The following FCHO1 variants were observed in gnomAD, a reference collection of about 807,000 sequenced individuals.
FCHO1 encodes the protein F-BAR domain only protein 1.
Under a neutral mutation model 114.4 loss-of-function variants are expected in FCHO1, and 45 were observed. The ratio of observed to expected loss-of-function variants is 0.39; its 90% CI spans 0.31 to 0.50. The LOEUF (loss-of-function observed/expected upper bound fraction) is 0.50, where lower values mean the gene tolerates loss of function less well. Among genes scored for constraint, FCHO1 ranks in the 20% least tolerant of loss-of-function variants. FCHO1 has a pLI of 0.77. For missense variants in FCHO1, 1,042 were observed against 1,209.6 expected, an observed-to-expected ratio of 0.86 and a Z score of 2.06; for synonymous variants, 480 against 488.9, an observed-to-expected ratio of 0.98 and a Z score of 0.24.
At chr19:17,778,576 G>C in intron 19 of FCHO1, 33 bp from the exon 20 acceptor site, 1 of 1,499,856 alleles carries the variant, frequency 6.7e-7, no homozygotes, top group Admixed American at 2.1e-5. Context: ...AGTGGGCGAG[G>C]GTCGGAGCTG....
At position 17,766,760 on chromosome 19, in the gene FCHO1, A is replaced by G; in HGVS notation, c.286A>G (p.Ile96Val). 1.2e-6 allele frequency: 2 copies of G among 1,613,688 alleles called. No individual in the cohort carries two copies. The highest frequency in any genetic ancestry group is 1.7e-6 in the Non-Finnish European group (2 of 1,179,702). ...LELTRKLQDLIKDVLRYGEEQ... is the reference protein window; with the variant it reads ...LELTRKLQDLVKDVLRYGEEQ... ...ACTGACACGGAAGTTACAGGATCTC[A>G]TCAAGGACGTTCTCCGCTACGGCGA... Residue 96 changes from isoleucine to valine, a missense_variant, in exon 7 of 29, where the codon ATC becomes GTC. Physicochemically the swap from Ile to Val is conservative, Grantham distance 29 (BLOSUM62 3). Around this residue, in one of 3 missense-constraint regions of FCHO1, gnomAD observed 450 missense variants for 564.1 expected, o/e 0.80. Coordinates refer to ENST00000596536, the MANE Select transcript of FCHO1 (RefSeq NM_015122.3).
At position 17,784,884 on chromosome 19, in the gene FCHO1, G is replaced by T; in HGVS notation, c.2386G>T (p.Glu796Ter). The T allele has an allele frequency of 6.2e-7, 1 of 1,613,316 alleles. No homozygotes were observed. Among genetic ancestry groups the T allele is most frequent in the Non-Finnish European group, 8.5e-7 (1 of 1,180,010 alleles). ...TNVQILLPVG[E>*]PVTNVRLQPA... ...CGTCCAGATCCTGCTGCCTGTGGGGGAGCCTGTGACCAACGTCCGCTTGCA... is the reference window on the plus strand; with the variant it reads ...CGTCCAGATCCTGCTGCCTGTGGGGTAGCCTGTGACCAACGTCCGCTTGCA... Residue 796 changes from glutamate to a stop codon, truncating the protein, a stop_gained, in exon 26 of 29, where the codon GAG becomes TAG. Transcript: ENST00000596536. LOFTEE classifies it high-confidence loss of function. This position sits in a 1 kb window ranked among gnomAD's most constrained non-coding sequence, Gnocchi z 5.3.
chr19:17,761,670 C>G (rs1047006280), intron 4 of FCHO1, among the ~76,000 whole-genome samples: 1 of 144,406 alleles, frequency 6.9e-6, no homozygotes, highest in African/African-American at 2.5e-5. Flanking sequence ...ACACTTCCCC[C>G]CCGCCCTGAG....
intron 6 of FCHO1, among the ~76,000 whole-genome samples, chr19:17,766,177 A>ATTT (rs1205212543): frequency 1.0e-5 from 1 of 96,020 alleles, no homozygotes; most frequent in Non-Finnish European, 2.1e-5. Context: ...GGCGTGAACC[A>ATTT]TTTTTTTTTT....
chr19:17,767,585 AAG>A (rs1491475500), intron 7 of FCHO1, among the ~76,000 whole-genome samples: 2 of 146,850 alleles, frequency 1.4e-5, no homozygotes, highest in Middle Eastern at 3.4e-3. Context: ...AAAAAAAAAC[AAG>A]AGAGAGAGAT....
chr19:17,767,159 C>A (rs528053077), intron 7 of FCHO1, among the ~76,000 whole-genome samples: 1 of 151,622 alleles, frequency 6.6e-6, no homozygotes, highest in East Asian at 1.9e-4. Context: ...GAGCTCCCTG[C>A]AGCCTCAAAC....
At chr19:17,787,614 A>G in intron 27 of FCHO1, 68 bp from the exon 28 acceptor site, 1 of 1,483,264 alleles carries the variant, frequency 6.7e-7, no homozygotes, top group Non-Finnish European at 9.0e-7. Context: ...TGTGGGCCAA[A>G]GATGAGCCTG....
In FCHO1 at chr19:17,767,861, C is replaced by T. The variant is rs541429988; in HGVS notation, c.336+1051C>T. Among the ~76,000 whole-genome samples, 3 of 152,244 alleles carry T rather than the reference C, an allele frequency of 2.0e-5. No homozygotes were observed. In the South Asian group the frequency reaches 6.2e-4, roughly 32 times the overall value. On this transcript the variant is annotated intron_variant, in intron 7 of 28. Transcript: ENST00000596536. ...ACATTTGCCAACAGCTGTTCTAAAG[C>T]ATTGGAAGTTACAGATATTCATATT...
At chr19:17,766,563 A>G (rs999871988) in intron 6 of FCHO1, 106 bp from the exon 7 acceptor site, 1 of 1,412,706 alleles carries the variant, frequency 7.1e-7, no homozygotes, top group African/African-American at 1.4e-5. Flanking sequence ...GTATTCATTC[A>G]TGTTTAGCAG....
At chr19:17,768,041 G>T (rs1234133068) in intron 7 of FCHO1, among the ~76,000 whole-genome samples, 1 of 152,082 alleles carries the variant, frequency 6.6e-6, no homozygotes, top group Non-Finnish European at 1.5e-5. Flanking sequence ...TTTAAAAAGG[G>T]GGTTGGTAAT....
chr19:17,776,727 C>T lies in FCHO1; in HGVS notation c.1259+41C>T. ...GTGGGCAGGTGGGGGCTGTCCCCAC[C>T]TCCTCCCTCCACCTCCCCATGTCTC... On this transcript the variant is annotated intron_variant, in intron 18 of 28. Transcript: ENST00000596536. The surrounding 1 kb of genome is among the most constrained non-coding windows in gnomAD (Gnocchi z 4.4). The T allele has an allele frequency of 6.3e-7, 1 of 1,584,624 alleles. No homozygotes were observed. The highest frequency in any genetic ancestry group is 8.7e-7 in the Non-Finnish European group (1 of 1,154,956).
chr19:17,774,378 C>T lies in FCHO1; in HGVS notation c.836-16C>T. On this transcript the variant is annotated splice_polypyrimidine_tract_variant and intron_variant, in intron 12 of 28. Transcript: ENST00000596536. The stretch of plus-strand genomic sequence containing the variant: ...GGAGGCTCACAGTGCTCAGGTGCCC[C>T]CCAATCTATCCTCAGCGATGAAACG... 7 of 1,613,896 alleles carry T rather than the reference C, an allele frequency of 4.3e-6. No homozygotes were observed. The highest frequency in any genetic ancestry group is 5.9e-6 in the Non-Finnish European group (7 of 1,179,872).
At chr19:17,758,127 A>G (rs1274732687) in intron 4 of FCHO1, among the ~76,000 whole-genome samples, 2 of 151,912 alleles carry the variant, frequency 1.3e-5, no homozygotes, top group Non-Finnish European at 2.9e-5. Flanking sequence ...AGGCAGGAGA[A>G]TGGCGTGAAC....
At position 17,781,316 on chromosome 19, in the gene FCHO1, C is replaced by G; in HGVS notation, c.1713C>G (p.Cys571Trp). Reference protein sequence around the residue: ...PRRLRSRKVSCPLTRSNGDLS... With the variant: ...PRRLRSRKVSWPLTRSNGDLS... ...GACTTCGCTCTAGGAAGGTGTCCTGCCCTCTCACACGTAGCAATGGGGACC... is the reference window on the plus strand; with the variant it reads ...GACTTCGCTCTAGGAAGGTGTCCTGGCCTCTCACACGTAGCAATGGGGACC... The change falls in exon 21 of 29, where the codon TGC (cysteine) becomes TGG (tryptophan). Residue 571 changes from cysteine to tryptophan, a missense_variant. This residue lies in a region of FCHO1 where 455 missense variants were observed against 455.4 expected (regional missense o/e 1.00). Coordinates refer to ENST00000596536, the MANE Select transcript of FCHO1 (RefSeq NM_015122.3). 1 of 1,613,986 alleles carries G rather than the reference C, an allele frequency of 6.2e-7. No individual in the cohort carries two copies. The highest frequency in any genetic ancestry group is 8.5e-7 in the Non-Finnish European group (1 of 1,179,872).
chr19:17,778,161 G>A lies in FCHO1; in HGVS notation c.1284G>A (p.Glu428=), dbSNP rs199682117. ...GCTGTGCAGAGAGATTGCAGTCAGAGGAGCAGGTGTCCAAGAACCTCTTTG... is the reference window on the plus strand; with the variant it reads ...GCTGTGCAGAGAGATTGCAGTCAGAAGAGCAGGTGTCCAAGAACCTCTTTG... The part of the protein sequence containing the change: ...TSSCAERLQS[E]EQVSKNLFGP... The change falls in exon 19 of 29, where the codon GAG becomes GAA. Residue 428 remains glutamate, a synonymous_variant. Transcript: ENST00000596536. 2.5e-5 allele frequency: 41 copies of A among 1,613,848 alleles called. No homozygotes were observed. Among genetic ancestry groups the A allele is most frequent in the Middle Eastern group, 1.7e-4 (1 of 5,980 alleles).
chr19:17,781,104 T>C (rs1049484523), intron 20 of FCHO1, 127 bp from the exon 21 acceptor site: 1 of 674,360 alleles, frequency 1.5e-6, no homozygotes, highest in Non-Finnish European at 2.6e-6. Context: ...ACACCAGGAC[T>C]TCAGACCCAT....
chr19:17,761,630 A>G (rs968974355), intron 4 of FCHO1, among the ~76,000 whole-genome samples: 6 of 90,256 alleles, frequency 6.6e-5, no homozygotes, highest in Non-Finnish European at 2.4e-5. Flanking sequence ...TTTCATGTAT[A>G]TACATATATA....
intron 1 of FCHO1, among the ~76,000 whole-genome samples, chr19:17,753,140 C>T (rs1307426611): frequency 6.6e-6 from 1 of 151,966 alleles, no homozygotes; most frequent in Non-Finnish European, 1.5e-5. Flanking sequence ...CCAGTCAGCA[C>T]AGCTCTAAGA....
chr19:17,757,743 C>T (rs1394009710), intron 4 of FCHO1, among the ~76,000 whole-genome samples: 1 of 151,952 alleles, frequency 6.6e-6, no homozygotes, highest in Non-Finnish European at 1.5e-5. Flanking sequence ...AGCAAGACCC[C>T]GTCTCTACTA....
Sources: gnomAD v4.1 joint callset for allele counts (sites outside exome capture counted in the v4.1 genomes callset) on GRCh38, gnomAD v4.1.1 for gene constraint, gnomAD v4.1.1 regional missense constraint, Gnocchi (gnomAD v3.1) non-coding constraint, MANE v1.5 for transcripts, NCBI Gene and HGNC (gene_info 2026-07-23, HGNC 2026-07-21) for gene names.